The following RINL variants were observed in gnomAD, a reference collection of about 807,000 sequenced individuals.
RINL encodes the protein Ras and Rab interactor like.
Under a neutral mutation model 58.1 loss-of-function variants are expected in RINL, and 39 were observed. The observed-to-expected ratio is 0.67, with a 90% CI of 0.52 to 0.88. RINL has a LOEUF of 0.88. Among genes scored for constraint, RINL ranks in the 40% least tolerant of loss-of-function variants. The pLI is 0.00. For synonymous variants in RINL, 286 were observed against 323.1 expected, an observed-to-expected ratio of 0.89 and a Z score of 1.23; for missense variants, 711 against 749.2, an observed-to-expected ratio of 0.95 and a Z score of 0.60.
At chr19:38,876,282 G>C (rs1972922181) in intron 3 of RINL, 49 bp downstream of exon 3, 1 of 1,496,704 alleles carries the variant, frequency 6.7e-7, no homozygotes, top group Non-Finnish European at 8.9e-7. Flanking sequence ...GTAACCAGCA[G>C]AGTCCTAATC....
Position 38,873,960 on chromosome 19 carries a change from C to G in RINL, c.239G>C (p.Ser80Thr). The change falls in exon 4 of 12, where the codon AGC (serine) becomes ACC (threonine). Residue 80 changes from serine (S) to threonine (T), a missense_variant. Ser to Thr is a moderately conservative substitution (Grantham distance 58, BLOSUM62 1). Coordinates refer to ENST00000591812, the MANE Select transcript of RINL (RefSeq NM_001195833.2). ...GSFLVTGRDPSQALVLRSGPL... is the reference protein window; with the variant it reads ...GSFLVTGRDPTQALVLRSGPL... Reference sequence around the variant, plus strand: ...TCCTGACCTCAACACCAGGGCCTGGCTGGGGTCACGTCCTGTGACCAAGAA... The same window carrying G: ...TCCTGACCTCAACACCAGGGCCTGGGTGGGGTCACGTCCTGTGACCAAGAA... 1 of 1,535,766 alleles carries G rather than the reference C, an allele frequency of 6.5e-7. No homozygotes were observed. Among genetic ancestry groups the G allele is most frequent in the Non-Finnish European group, 8.7e-7 (1 of 1,146,656 alleles).
chr19:38,871,578 C>A, intron 6 of RINL, 69 bp downstream of exon 6: 1 of 1,423,166 alleles, frequency 7.0e-7, no homozygotes, highest in South Asian at 1.2e-5. Flanking sequence ...GCCCCAAAGC[C>A]CCATTCATTC....
rs1477079389 is a variant in RINL, at chr19:38,871,877, T to TG, written c.314-8dup. On this transcript the variant is annotated splice_region_variant and splice_polypyrimidine_tract_variant and intron_variant, in intron 4 of 11. Transcript: ENST00000591812. ...GAGGATTCCAGGGACACACCTGTGGTGGGGGGAGGAAGAAGGAGAAAGTAA... is the reference window on the plus strand; with the variant it reads ...GAGGATTCCAGGGACACACCTGTGGTGGGGGGGAGGAAGAAGGAGAAAGTAA... 2 of 1,612,098 alleles carry TG rather than the reference T, an allele frequency of 1.2e-6. No individual in the cohort carries two copies. Among genetic ancestry groups the TG allele is most frequent in the East Asian group, 2.2e-5 (1 of 44,876 alleles).
At position 38,876,370 on chromosome 19, in the gene RINL, G is replaced by T; in HGVS notation, c.171C>A (p.Thr57=). ...GCCCCACAAGGGCCTCCGCATCCTG[G>T]GTATCCAGCTCTGGCACATGCCACA... The part of the protein sequence containing the change: ...WGVWHVPELD[T]QDAEALVGLW... Residue 57 remains threonine, a synonymous_variant, in exon 3 of 12, where the codon ACC becomes ACA. Transcript: ENST00000591812. 9 of 1,536,114 alleles carry T rather than the reference G, an allele frequency of 5.9e-6. No individual in the cohort carries two copies. The highest frequency in any genetic ancestry group is 7.8e-6 in the Non-Finnish European group (9 of 1,146,894).
Position 38,869,282 on chromosome 19 carries a change from G to C in RINL, c.1603C>G (p.Arg535Gly). ...RASLHQWHRR[R>G]TLHRKDHPRA... ...GGATGATCCTTTCTGTGCAGCGTCC[G>C]CCTGCGGTGCCACTGGTGCAGGGAG... The change falls in exon 11 of 12, where the codon CGG becomes GGG. Residue 535 changes from arginine to glycine, a missense_variant. Arg to Gly is a moderately radical substitution (Grantham distance 125). Coordinates refer to ENST00000591812, the MANE Select transcript of RINL (RefSeq NM_001195833.2). The surrounding 1 kb of genome is among the most constrained non-coding windows in gnomAD (Gnocchi z 5.7). 1 of 1,614,052 alleles carries C rather than the reference G, an allele frequency of 6.2e-7. No homozygotes were observed. The highest frequency in any genetic ancestry group is 8.5e-7 in the Non-Finnish European group (1 of 1,179,968).
At position 38,871,675 on chromosome 19, in the gene RINL, G is replaced by A; in HGVS notation, c.423C>T (p.Pro141=). 1 of 1,614,060 alleles carries A rather than the reference G, an allele frequency of 6.2e-7. No homozygotes were observed. Among genetic ancestry groups the A allele is most frequent in the Non-Finnish European group, 8.5e-7 (1 of 1,179,986 alleles). ...TGTGTTCATCTCTGGGCCCTAGAGT[G>A]GGAGGGGGCAAGAGCAGGGTTCTGG... ...VLPRTLLLPP[P]TLGPRDEHTD... The change falls in exon 6 of 12, where the codon CCC becomes CCT. Residue 141 remains proline, a synonymous_variant. Transcript: ENST00000591812.
intron 4 of RINL, among the ~76,000 whole-genome samples, chr19:38,873,264 G>A (rs1276149402): frequency 6.6e-6 from 1 of 152,164 alleles, no homozygotes; most frequent in African/African-American, 2.4e-5. Flanking sequence ...GAGTGTAACA[G>A]TGTGTATGGG....
Position 38,867,866 on chromosome 19 carries a change from T to C in RINL, c.*1238A>G, listed in dbSNP as rs925462336. 2.6e-5 allele frequency: 4 copies of C among 152,108 alleles called. No individual in the cohort carries two copies. The highest frequency in any genetic ancestry group is 6.6e-5 in the Admixed American group (1 of 15,254). The allele number at this position is 152,108 out of a possible 1,614,324, so 9.4% of individuals were successfully genotyped here. The stretch of plus-strand genomic sequence containing the variant: ...TCAGTAACTTTTTAATATGGATACA[T>C]GTTGAAGTGATAATATTTGGGATAC... On this transcript the variant is annotated 3_prime_UTR_variant, in exon 12 of 12. Coordinates refer to ENST00000591812, the MANE Select transcript of RINL (RefSeq NM_001195833.2).
chr19:38,874,117 C>T (rs569614800), intron 3 of RINL, 129 bp from the exon 4 acceptor site: 12 of 628,264 alleles, frequency 1.9e-5, no homozygotes, highest in Admixed American at 1.2e-4. Context: ...AACCCTCTCC[C>T]TACTTTCAGT....
rs763835582 is a variant in RINL at position 38,869,237 on chromosome 19, G to A, written c.1638+10C>T. 6.2e-7 allele frequency: 1 copy of A among 1,614,150 alleles called. No homozygotes were observed. The highest frequency in any genetic ancestry group is 8.5e-7 in the Non-Finnish European group (1 of 1,180,018). ...CCCTCCCTTCTACTTGCAGCCAGAT[G>A]GGCAGTCACCTGGGCTCTGGGATGA... is the stretch of plus-strand genomic sequence containing the variant. On this transcript the variant is annotated intron_variant, in intron 11 of 11. Transcript: ENST00000591812. This position sits in a 1 kb window ranked among gnomAD's most constrained non-coding sequence, Gnocchi z 5.7.
chr19:38,875,650 C>G (rs904710200), intron 3 of RINL, among the ~76,000 whole-genome samples: 1 of 150,884 alleles, frequency 6.6e-6, no homozygotes, highest in Non-Finnish European at 1.5e-5. Flanking sequence ...GCACTCCAGC[C>G]TGGGCAACAA....
rs1047894039 is a variant in RINL, at chr19:38,869,874, T to C, written c.1342+69A>G. The stretch of plus-strand genomic sequence containing the variant: ...CCGCATAGATTCCTCCCACCAGTGC[T>C]ACCCTCTCCCGCCTGGCTCCAACTC... On this transcript the variant is annotated intron_variant, in intron 9 of 11. Transcript: ENST00000591812. This position sits in a 1 kb window ranked among gnomAD's most constrained non-coding sequence, Gnocchi z 5.7. 3 of 1,535,378 alleles carry C rather than the reference T, an allele frequency of 2.0e-6. No homozygotes were observed. In the African/African-American group the frequency reaches 4.1e-5, roughly 21 times the overall value.
intron 4 of RINL, among the ~76,000 whole-genome samples, chr19:38,872,161 C>T (rs1019785539): frequency 2.0e-5 from 3 of 151,988 alleles, no homozygotes; most frequent in African/African-American, 4.8e-5. Flanking sequence ...TACCTTTTAG[C>T]GGGGGGCGGA....
chr19:38,871,496 G>T, intron 6 of RINL, 151 bp downstream of exon 6: 1 of 745,406 alleles, frequency 1.3e-6, no homozygotes, highest in African/African-American at 1.8e-5. Flanking sequence ...CCTCCCTCTG[G>T]GACTACAAAG....
chr19:38,872,724 A>T (rs991352806), intron 4 of RINL, among the ~76,000 whole-genome samples: 2 of 151,936 alleles, frequency 1.3e-5, no homozygotes, highest in African/African-American at 4.8e-5. Flanking sequence ...AATACAAAAA[A>T]TTGGGAGGTG....
At chr19:38,873,821 G>T in intron 4 of RINL, 65 bp downstream of exon 4, 2 of 1,044,514 alleles carry the variant, frequency 1.9e-6, no homozygotes, top group South Asian at 1.4e-5. Context: ...CCACCGCGCC[G>T]GTCCAGCTGA....
intron 1 of RINL, 119 bp from the exon 2 acceptor site, chr19:38,876,900 C>T (rs892889135): frequency 5.1e-5 from 32 of 627,230 alleles, no homozygotes; most frequent in African/African-American, 1.1e-4. Flanking sequence ...GGCCGCTTGC[C>T]GTGGCAGGGG....
Position 38,869,621 on chromosome 19 carries a change from C to T in RINL, c.1426G>A (p.Val476Ile), listed in dbSNP as rs2145470573. The part of the protein sequence containing the change: ...SPDIGDTQLD[V>I]EFLMELLDPD... ...TCTAAGAGCTCCATAAGAAACTCTA[C>T]GTCCAGCTGCGTGTCCCCAATGTCC... The change falls in exon 10 of 12, where the codon GTA (valine) becomes ATA (isoleucine). Residue 476 changes from valine to isoleucine, a missense_variant. Transcript: ENST00000591812. This position sits in a 1 kb window ranked among gnomAD's most constrained non-coding sequence, Gnocchi z 5.7. 5.6e-6 allele frequency: 9 copies of T among 1,613,988 alleles called. No homozygotes were observed. The East Asian group carries it at 1.1e-4, about 20-fold the overall frequency.
chr19:38,870,778 G>A lies in RINL; in HGVS notation c.816C>T (p.Ser272=). Residue 272 remains serine, a synonymous_variant, in exon 8 of 12, where the codon AGC becomes AGT. Coordinates refer to ENST00000591812, the MANE Select transcript of RINL (RefSeq NM_001195833.2). The surrounding 1 kb of genome is among the most constrained non-coding windows in gnomAD (Gnocchi z 5.8). ...GGCTTCGGTACTGCCTGGCCACGTA[G>A]CTGCTCCGGGCCCTGACCAGAGACT... The part of the protein sequence containing the change: ...HVQSLVRARS[S]YVARQYRSLR... The A allele has an allele frequency of 6.2e-7, 1 of 1,612,832 alleles. No individual in the cohort carries two copies. Among genetic ancestry groups the A allele is most frequent in the Non-Finnish European group, 8.5e-7 (1 of 1,180,010 alleles).
Sources: allele counts gnomAD v4.1 joint callset (sites outside exome capture counted in the v4.1 genomes callset), GRCh38; gene constraint gnomAD v4.1.1; non-coding constraint Gnocchi (gnomAD v3.1); transcripts MANE v1.5; gene names NCBI Gene and HGNC (gene_info 2026-07-23, HGNC 2026-07-21).